OLFML2A: variants seen among roughly 807,000 people sequenced by gnomAD.
The protein encoded by OLFML2A is olfactomedin-like protein 2A.
OLFML2A carries 47 observed loss-of-function variants against 60.9 expected under a neutral mutation model. The ratio of observed to expected loss-of-function variants is 0.77; its 90% CI spans 0.61 to 0.98. OLFML2A has a LOEUF of 0.98. OLFML2A is among the 50% of genes least tolerant of loss of function. The probability of loss-of-function intolerance (pLI) is 0.00; values close to 1 mark genes in which losing one functional copy is unlikely to be tolerated. For synonymous variants in OLFML2A, 372 were observed against 375.0 expected (o/e 0.99, Z 0.09); for missense variants, 922 against 879.8 (o/e 1.05, Z -0.61).
In OLFML2A at chr9:124,814,436, T is replaced by G. The variant is rs978834481; in HGVS notation, c.*4024T>G. ...TGCAGCTTAGTGAGGACAAGACCCT[T>G]CTAGAGCTTTACCCCTAATCCCCCC... is the stretch of plus-strand genomic sequence containing the variant. On this transcript the variant is annotated 3_prime_UTR_variant, in exon 8 of 8. Coordinates refer to ENST00000373580, the MANE Select transcript of OLFML2A (RefSeq NM_182487.4). 2.0e-5 allele frequency: 3 copies of G among 151,286 alleles called. No individual in the cohort carries two copies. Among genetic ancestry groups the G allele is most frequent in the African/African-American group, 7.3e-5 (3 of 40,840 alleles). 9.4% of individuals were successfully genotyped at this position (151,286 alleles called of 1,614,324 possible). A position where few individuals can be genotyped will look rare whatever the true frequency, so the allele number is the denominator to read the frequency against.
intron 1 of OLFML2A, among the ~76,000 whole-genome samples, chr9:124,782,584 A>T (rs1002676438): frequency 3.9e-5 from 6 of 152,160 alleles, no homozygotes; most frequent in African/African-American, 1.2e-4. Context: ...CTGGGACTTA[A>T]GCCCAGGTCT....
In OLFML2A at chr9:124,809,953, G is replaced by T; in HGVS notation, c.1500G>T (p.Ala500=). The change falls in exon 8 of 8, where the codon GCG becomes GCT. Residue 500 remains alanine (A), a synonymous_variant. Transcript: ENST00000373580. Reference sequence around the variant, plus strand: ...GGCAGCGCTTCGTGGCCTCCTGGGCGCTGCTGCCCGACGTGGTATATGAGG... The same window carrying T: ...GGCAGCGCTTCGTGGCCTCCTGGGCTCTGCTGCCCGACGTGGTATATGAGG... ...DLRQRFVASW[A]LLPDVVYEDT... The T allele has an allele frequency of 6.2e-7, 1 of 1,614,150 alleles. No individual in the cohort carries two copies. Among genetic ancestry groups the T allele is most frequent in the Non-Finnish European group, 8.5e-7 (1 of 1,180,024 alleles).
At chr9:124,804,429 A>G in intron 6 of OLFML2A, 87 bp downstream of exon 6, 1 of 1,342,594 alleles carries the variant, frequency 7.4e-7, no homozygotes, top group Non-Finnish European at 1.0e-6. Context: ...TCAAGTTAAG[A>G]AATGCTTTTT....
At position 124,807,856 on chromosome 9, in the gene OLFML2A, A is replaced by C; in HGVS notation, c.1244A>C (p.Glu415Ala). The change falls in exon 7 of 8, where the codon GAG becomes GCG. Residue 415 changes from glutamate (E) to alanine (A), a missense_variant. Coordinates refer to ENST00000373580, the MANE Select transcript of OLFML2A (RefSeq NM_182487.4). ...AGGCACCACAGCTATGGGCGCCACGAGGGAGCCTGGATGAAGGACCCTGCA... is the reference window on the plus strand; with the variant it reads ...AGGCACCACAGCTATGGGCGCCACGCGGGAGCCTGGATGAAGGACCCTGCA... ...PVRHHSYGRH[E>A]GAWMKDPAAR... is the part of the protein sequence containing the mutation. 1.2e-6 allele frequency: 2 copies of C among 1,614,084 alleles called. No homozygotes were observed. Among genetic ancestry groups the C allele is most frequent in the Non-Finnish European group, 1.7e-6 (2 of 1,179,984 alleles).
Position 124,807,974 on chromosome 9 carries a change from A to G in OLFML2A, c.1354+8A>G, listed in dbSNP as rs1205079550. The G allele has an allele frequency of 1.2e-6, 2 of 1,611,970 alleles. No individual in the cohort carries two copies. Among genetic ancestry groups the G allele is most frequent in the Non-Finnish European group, 8.5e-7 (1 of 1,178,616 alleles). On this transcript the variant is annotated splice_region_variant and intron_variant, in intron 7 of 7. Coordinates refer to ENST00000373580, the MANE Select transcript of OLFML2A (RefSeq NM_182487.4). ...TGGAAAACTTCAAGCAAGGTCAGGG[A>G]CCCCCGGAGGTGGAGAGGGGGCTGG...
intron 4 of OLFML2A, 93 bp downstream of exon 4, chr9:124,799,584 G>A: frequency 9.5e-7 from 1 of 1,053,370 alleles, no homozygotes; most frequent in East Asian, 2.6e-5. Flanking sequence ...GCTCGATGGG[G>A]GTTTGGGGCT....
intron 1 of OLFML2A, among the ~76,000 whole-genome samples, chr9:124,778,026 G>C (rs1396206002): frequency 6.6e-6 from 1 of 152,200 alleles, no homozygotes; most frequent in Non-Finnish European, 1.5e-5. Context: ...ACTTCCTGCA[G>C]TTGATGGTCT....
At position 124,785,173 on chromosome 9, in the gene OLFML2A, C is replaced by T. The variant is rs1841438647; in HGVS notation, c.91-1802C>T. On this transcript the variant is annotated intron_variant, in intron 1 of 7. Coordinates refer to ENST00000373580, the MANE Select transcript of OLFML2A (RefSeq NM_182487.4). ...TTCACCATGTTGGCCGGGCTGGTCT[C>T]GAACTCCCGACCTCAGGTGATCTGC... 2.0e-5 allele frequency among the ~76,000 whole-genome samples: 3 copies of T among 151,290 alleles called. No homozygotes were observed. The South Asian group carries it at 6.2e-4, about 31-fold the overall frequency.
In OLFML2A at chr9:124,810,642, C is replaced by G. The variant is rs142504820; in HGVS notation, c.*230C>G. ...CCCACACACTTACCCGTTTGATTCT[C>G]CTAGCACCTCCCTTGGAGGTAGAGA... On this transcript the variant is annotated 3_prime_UTR_variant, in exon 8 of 8. Transcript: ENST00000373580. 6 of 575,332 alleles carry G rather than the reference C, an allele frequency of 1.0e-5. No homozygotes were observed. The highest frequency in any genetic ancestry group is 1.9e-5 in the Non-Finnish European group (6 of 323,440). 35.6% of individuals were successfully genotyped at this position (575,332 alleles called of 1,614,324 possible).
intron 4 of OLFML2A, among the ~76,000 whole-genome samples, chr9:124,800,617 G>C (rs999681675): frequency 6.6e-6 from 1 of 152,232 alleles, no homozygotes; most frequent in Non-Finnish European, 1.5e-5. Flanking sequence ...CTGCCTAGAT[G>C]CCGATAAAGC....
At position 124,777,360 on chromosome 9, in the gene OLFML2A, G is replaced by C; in HGVS notation, c.90G>C (p.Lys30Asn). The C allele has an allele frequency of 7.8e-7, 1 of 1,281,658 alleles. No homozygotes were observed. Among genetic ancestry groups the C allele is most frequent in the Middle Eastern group, 2.9e-4 (1 of 3,408 alleles). The allele number at this position is 1,281,658 out of a possible 1,614,324, so 79.4% of individuals were successfully genotyped here. A position where few individuals can be genotyped will look rare whatever the true frequency, so the allele number is the denominator to read the frequency against. The change falls in exon 1 of 8, where the codon AAG becomes AAC. Residue 30 changes from lysine (K) to asparagine (N), a missense_variant and splice_region_variant. Coordinates refer to ENST00000373580, the MANE Select transcript of OLFML2A (RefSeq NM_182487.4). The surrounding 1 kb of genome is among the most constrained non-coding windows in gnomAD (Gnocchi z 6.2). The part of the protein sequence containing the change: ...LSGRPTRADS[K>N]VFGDLDQVRM... ...GCCGCCCCACGCGCGCCGACAGTAA[G>C]GTACGCACGCCCCTCGGACCCGCGC...
chr9:124,799,412 G>T lies in OLFML2A; in HGVS notation c.590G>T (p.Arg197Leu), dbSNP rs115504825. ...IMLGIKKELS[R>L]LGLQLLQKDA... ...CTGGGCATCAAGAAGGAGCTGTCCC[G>T]CCTGGGCCTCCAGCTGCTGCAGAAG... Residue 197 changes from arginine to leucine, a missense_variant, in exon 4 of 8, where the codon CGC becomes CTC. Arg to Leu is a moderately radical substitution (Grantham distance 102). Coordinates refer to ENST00000373580, the MANE Select transcript of OLFML2A (RefSeq NM_182487.4). The T allele has an allele frequency of 1.9e-6, 3 of 1,613,482 alleles. No individual in the cohort carries two copies. The highest frequency in any genetic ancestry group is 1.1e-5 in the South Asian group (1 of 91,038).
At chr9:124,791,640 G>C (rs1841569356) in intron 2 of OLFML2A, among the ~76,000 whole-genome samples, 1 of 151,354 alleles carries the variant, frequency 6.6e-6, no homozygotes, top group Non-Finnish European at 1.5e-5. Flanking sequence ...TGGGAGGCTG[G>C]GGCAGGAGAA....
At position 124,809,876 on chromosome 9, in the gene OLFML2A, G is replaced by T; in HGVS notation, c.1423G>T (p.Ala475Ser). ...CACAGGCCACGTGGTGTACCAGGGC[G>T]CCTTCTACTACAACCGCGCCTTCAC... ...IGTGHVVYQG[A>S]FYYNRAFTKN... Residue 475 changes from alanine to serine, a missense_variant, in exon 8 of 8, where the codon GCC becomes TCC. Transcript: ENST00000373580. 2 of 1,614,134 alleles carry T rather than the reference G, an allele frequency of 1.2e-6. No homozygotes were observed. Among genetic ancestry groups the T allele is most frequent in the Non-Finnish European group, 1.7e-6 (2 of 1,180,004 alleles).
intron 2 of OLFML2A, among the ~76,000 whole-genome samples, chr9:124,791,737 CAAAAA>C (rs10553820): frequency 2.7e-5 from 2 of 74,908 alleles, no homozygotes; most frequent in East Asian, 3.6e-4. Flanking sequence ...GACTCTGTCT[CAAAAA>C]AAAAAAAAAA....
chr9:124,798,927 G>T (rs779285569), intron 3 of OLFML2A, among the ~76,000 whole-genome samples: 5 of 152,126 alleles, frequency 3.3e-5, no homozygotes, highest in Non-Finnish European at 7.4e-5. Flanking sequence ...GTATACATGT[G>T]TTCCCGTAAA....
chr9:124,801,427 G>A lies in OLFML2A; in HGVS notation c.683G>A (p.Gly228Glu), dbSNP rs758058769. ...TGSKAQDTAR[G>E]KGKDISKYGS... ...CTTCCCTCCCAGGACACAGCTAGAG[G>A]AAAAGGCAAGGACATCAGCAAGTAT... Residue 228 changes from glycine (G) to glutamate (E), a missense_variant, in exon 5 of 8, where the codon GGA becomes GAA. Physicochemically the swap from Gly to Glu is moderately conservative, Grantham distance 98 (BLOSUM62 -2). Transcript: ENST00000373580. The A allele has an allele frequency of 6.2e-7, 1 of 1,614,126 alleles. No individual in the cohort carries two copies. Among genetic ancestry groups the A allele is most frequent in the South Asian group, 1.1e-5 (1 of 91,092 alleles).
chr9:124,799,286 G>A lies in OLFML2A; in HGVS notation c.464G>A (p.Ser155Asn), dbSNP rs1395344254. 7 of 1,607,710 alleles carry A rather than the reference G, an allele frequency of 4.4e-6. No individual in the cohort carries two copies. Among genetic ancestry groups the A allele is most frequent in the Non-Finnish European group, 6.0e-6 (7 of 1,174,828 alleles). ...CCTCCAATCCTGCCCCCTCCGCAGA[G>A]CATCAAGGCCAACCTGAGCCGGGAG... is the stretch of plus-strand genomic sequence containing the variant. ...VASQMNTLEE[S>N]IKANLSRENE... The change falls in exon 4 of 8, where the codon AGC becomes AAC. Residue 155 changes from serine to asparagine, a missense_variant and splice_region_variant. Transcript: ENST00000373580.
intron 5 of OLFML2A, 128 bp from the exon 6 acceptor site, chr9:124,803,966 G>A (rs1196031593): frequency 1.0e-6 from 1 of 977,764 alleles, no homozygotes; most frequent in African/African-American, 1.6e-5. Flanking sequence ...CAGGTGTGAG[G>A]AGGCCCTGAG....
Sources: gnomAD v4.1 joint callset for allele counts (sites outside exome capture counted in the v4.1 genomes callset) on GRCh38, gnomAD v4.1.1 for gene constraint, Gnocchi (gnomAD v3.1) non-coding constraint, MANE v1.5 for transcripts, NCBI Gene and HGNC (gene_info 2026-07-23, HGNC 2026-07-21) for gene names.